Variants in UMOD observed in about 807,000 individuals in gnomAD.
The protein encoded by UMOD is uromodulin.
A neutral mutation model predicts 66.0 loss-of-function variants in UMOD; 64 were observed. The observed-to-expected ratio is 0.97, with a 90% CI of 0.79 to 1.19. The LOEUF is 1.19. Ranked by LOEUF, UMOD falls within the 50% of genes most tolerant of loss-of-function variation. The pLI is 0.00. For synonymous variants in UMOD, 398 were observed against 352.7 expected (o/e 1.13, Z -1.44); for missense variants, 764 against 850.9 (o/e 0.90, Z 1.27).
At chr16:20,338,559 A>T (rs1425158323) in intron 7 of UMOD, among the ~76,000 whole-genome samples, 1 of 151,966 alleles carries the variant, frequency 6.6e-6, no homozygotes, top group Non-Finnish European at 1.5e-5. Flanking sequence ...CAGTGGTGTG[A>T]TCTTGGCTCA....
At chr16:20,346,417 T>G in intron 4 of UMOD, 83 bp from the exon 5 acceptor site, 1 of 1,401,650 alleles carries the variant, frequency 7.1e-7, no homozygotes, top group Non-Finnish European at 1.0e-6. Flanking sequence ...TCCAGCTGGC[T>G]GGGCTGACCA....
At position 20,346,258 on chromosome 16, in the gene UMOD, C is replaced by G. The variant is rs756499139; in HGVS notation, c.1050G>C (p.Lys350Asn). The G allele has an allele frequency of 6.2e-7, 1 of 1,614,276 alleles. No individual in the cohort carries two copies. The change falls in exon 5 of 11, where the codon AAG becomes AAC. Residue 350 changes from lysine to asparagine, a missense_variant. Transcript: ENST00000396138. ...TGAAGACCTTGTCGAAGCCCAGACTCTTCAGCTGGCACTTGCCCAGCGACA... is the reference window on the plus strand; with the variant it reads ...TGAAGACCTTGTCGAAGCCCAGACTGTTCAGCTGGCACTTGCCCAGCGACA... ...MKVSLGKCQL[K>N]SLGFDKVFMY...
intron 5 of UMOD, 31 bp from the exon 6 acceptor site, chr16:20,344,203 TG>T (rs1567305603): frequency 1.7e-6 from 1 of 604,042 alleles, no homozygotes; most frequent in Non-Finnish European, 2.9e-6. Flanking sequence ...GGAGGGGGGG[TG>T]GGGATGAGAG....
chr16:20,344,018 C>T lies in UMOD; in HGVS notation c.1331+6G>A, dbSNP rs753435996. 2.5e-6 allele frequency: 4 copies of T among 1,613,428 alleles called. No individual in the cohort carries two copies. In the South Asian group the frequency reaches 4.4e-5, roughly 18 times the overall value. ...TAGGGGCCCTAGGGACCCTCTCTGG[C>T]CACACCTGACCATTGGCTGTAGGGC... is the stretch of plus-strand genomic sequence containing the variant. On this transcript the variant is annotated splice_donor_region_variant and intron_variant, in intron 6 of 10. Coordinates refer to ENST00000396138, the MANE Select transcript of UMOD (RefSeq NM_003361.4).
intron 6 of UMOD, chr16:20,342,375 A>G (rs2141651945): frequency 6.6e-6 from 1 of 152,598 alleles, no homozygotes; most frequent in Admixed American, 6.5e-5. Context: ...ACCATAAAAC[A>G]GAGAGATGTG....
At position 20,347,056 on chromosome 16, in the gene UMOD, C is replaced by A. The variant is rs11643133; in HGVS notation, c.974-722G>T. Among the ~76,000 whole-genome samples the A allele has an allele frequency of 1.7e-3, 258 of 152,094 alleles. 3 individuals are homozygous for A. The South Asian group carries it at 0.029, about 17-fold the overall frequency. On this transcript the variant is annotated intron_variant, in intron 4 of 10. Coordinates refer to ENST00000396138, the MANE Select transcript of UMOD (RefSeq NM_003361.4). ...TTTGAGACGGAGTTTCTCTCTTCGGCGACAAGCCCAGGCTGGAATGCAGAG... is the reference window on the plus strand; with the variant it reads ...TTTGAGACGGAGTTTCTCTCTTCGGAGACAAGCCCAGGCTGGAATGCAGAG...
intron 6 of UMOD, among the ~76,000 whole-genome samples, chr16:20,343,498 C>T (rs1965359633): frequency 6.6e-6 from 1 of 152,228 alleles, no homozygotes; most frequent in Admixed American, 6.5e-5. Context: ...TTCCTGCTCT[C>T]TGGCACAACC....
At position 20,348,430 on chromosome 16, in the gene UMOD, G is replaced by T; in HGVS notation, c.865+6C>A. 1 of 1,613,956 alleles carries T rather than the reference G, an allele frequency of 6.2e-7. No individual in the cohort carries two copies. The highest frequency in any genetic ancestry group is 8.5e-7 in the Non-Finnish European group (1 of 1,180,024). ...GGATGAGGACTGTGGGGAGACTCCG[G>T]CTGACCTGTGCAGTACGCCAGGTGA... On this transcript the variant is annotated splice_donor_region_variant and intron_variant, in intron 3 of 10. Coordinates refer to ENST00000396138, the MANE Select transcript of UMOD (RefSeq NM_003361.4).
chr16:20,348,935 G>C lies in UMOD; in HGVS notation c.366C>G (p.Ala122=). The part of the protein sequence containing the change: ...CAEPGLSHCH[A]LATCVNVVGS... ...CCACCACATTGACACATGTGGCCAG[G>C]GCGTGGCAGTGGCTAAGCCCAGGCT... The change falls in exon 3 of 11, where the codon GCC becomes GCG. Residue 122 remains alanine (A), a synonymous_variant. Transcript: ENST00000396138. 1 of 1,571,498 alleles carries C rather than the reference G, an allele frequency of 6.4e-7. No individual in the cohort carries two copies. The highest frequency in any genetic ancestry group is 8.6e-7 in the Non-Finnish European group (1 of 1,158,568).
Position 20,335,539 on chromosome 16 carries a change from G to C in UMOD, c.1823-19C>G. On this transcript the variant is annotated intron_variant, in intron 9 of 10. Coordinates refer to ENST00000396138, the MANE Select transcript of UMOD (RefSeq NM_003361.4). ...TGGACACCTTTGGAGGAAAACAGAA[G>C]GATCAGTGAATAAAGAATGCATGAG... The C allele has an allele frequency of 1.9e-6, 3 of 1,613,572 alleles. No homozygotes were observed. The highest frequency in any genetic ancestry group is 2.5e-6 in the Non-Finnish European group (3 of 1,179,538).
upstream of UMOD, among the ~76,000 whole-genome samples, chr16:20,355,832 A>T (rs1966022829): frequency 6.6e-6 from 1 of 152,184 alleles, no homozygotes; most frequent in African/African-American, 2.4e-5. Flanking sequence ...CATTGTCTCA[A>T]ACAATGAAAC....
At chr16:20,352,920 T>TG (rs1206151396), upstream of UMOD, 10 of 408,706 alleles carry the variant, frequency 2.4e-5, no homozygotes, top group Non-Finnish European at 3.8e-5. Context: ...TGATTGACAT[T>TG]GGGGGGTCAC....
rs551826552 is a variant in UMOD, at chr16:20,350,394, T to C, written c.88+256A>G. On this transcript the variant is annotated intron_variant, in intron 2 of 10. Transcript: ENST00000396138. ...CAGGGACCCCAGTATGAGCATCGCCTGGAAGCTTGTTAAAAATTCAGCATC... is the reference window on the plus strand; with the variant it reads ...CAGGGACCCCAGTATGAGCATCGCCCGGAAGCTTGTTAAAAATTCAGCATC... 2.0e-5 allele frequency among the ~76,000 whole-genome samples: 3 copies of C among 152,308 alleles called. No individual in the cohort carries two copies. The East Asian group carries it at 5.8e-4, about 29-fold the overall frequency.
chr16:20,339,517 G>A (rs1428742913), intron 7 of UMOD, among the ~76,000 whole-genome samples: 1 of 152,166 alleles, frequency 6.6e-6, no homozygotes, highest in Non-Finnish European at 1.5e-5. Flanking sequence ...ATTGCAAAAT[G>A]CTCTGAAACA....
In UMOD at chr16:20,348,940, G is replaced by A. The variant is rs762012528; in HGVS notation, c.361C>T (p.His121Tyr). The change falls in exon 3 of 11, where the codon CAC becomes TAC. Residue 121 changes from histidine to tyrosine, a missense_variant. His to Tyr is a moderately conservative substitution (Grantham distance 83). Transcript: ENST00000396138. ...ECAEPGLSHC[H>Y]ALATCVNVVG... ...ACATTGACACATGTGGCCAGGGCGT[G>A]GCAGTGGCTAAGCCCAGGCTCAGCG... is the stretch of plus-strand genomic sequence containing the variant. 3.8e-6 allele frequency: 6 copies of A among 1,572,766 alleles called. No homozygotes were observed. In the Admixed American group the frequency reaches 1.1e-4, roughly 29 times the overall value.
At chr16:20,353,598 G>C (rs1415896050), upstream of UMOD, among the ~76,000 whole-genome samples, 5 of 152,220 alleles carry the variant, frequency 3.3e-5, no homozygotes, top group East Asian at 9.6e-4. Flanking sequence ...CACTGAGGTA[G>C]AAAATGACAG....
At position 20,348,801 on chromosome 16, in the gene UMOD, G is replaced by T. The variant is rs1334334585; in HGVS notation, c.500C>A (p.Ala167Glu). The T allele has an allele frequency of 1.2e-5, 18 of 1,544,740 alleles. No homozygotes were observed. Among genetic ancestry groups the T allele is most frequent in the Non-Finnish European group, 1.6e-5 (18 of 1,146,308 alleles). Residue 167 changes from alanine to glutamate, a missense_variant, in exon 3 of 11, where the codon GCG (alanine) becomes GAG (glutamate). By Grantham distance (107) the Ala-to-Glu change is moderately radical (BLOSUM62 -1). Transcript: ENST00000396138. ...PGLDCVPEGD[A>E]LVCADPCQAH... ...CTGGCACGGATCCGCGCACACGAGC[G>T]CGTCGCCCTCGGGCACGCAGTCCAA...
At chr16:20,355,212 T>C (rs1219734183), upstream of UMOD, among the ~76,000 whole-genome samples, 1 of 152,092 alleles carries the variant, frequency 6.6e-6, no homozygotes, top group Non-Finnish European at 1.5e-5. Context: ...GTATAACAAG[T>C]TGTCAGTGGC....
intron 6 of UMOD, among the ~76,000 whole-genome samples, chr16:20,342,108 G>A (rs374838647): frequency 1.5e-4 from 23 of 152,338 alleles, no homozygotes; most frequent in Non-Finnish European, 3.1e-4. Flanking sequence ...ACTTTAGGAG[G>A]CATACGCAGG....
Sources: allele counts gnomAD v4.1 joint callset (sites outside exome capture counted in the v4.1 genomes callset), GRCh38; gene constraint gnomAD v4.1.1; transcripts MANE v1.5; gene names NCBI Gene and HGNC (gene_info 2026-07-23, HGNC 2026-07-21).